Variants in THSD7B observed in about 807,000 individuals in gnomAD.
The protein encoded by THSD7B is thrombospondin type-1 domain-containing protein 7B.
In THSD7B, 138 loss-of-function variants were observed where a neutral mutation model predicts 213.6. The observed-to-expected ratio is 0.65, with a 90% CI of 0.56 to 0.74. The LOEUF is 0.74. Ranked by LOEUF, THSD7B falls within the 30% of genes least tolerant of loss-of-function variation. THSD7B has a pLI of 0.00. For missense variants in THSD7B, 1,931 were observed against 1,991.5 expected (o/e 0.97, Z 0.58); for synonymous variants, 742 against 687.0 (o/e 1.08, Z -1.25).
chr2:137,316,539 G>T (rs1235151703), intron 12 of THSD7B, among the ~76,000 whole-genome samples: 1 of 152,158 alleles, frequency 6.6e-6, no homozygotes, highest in Non-Finnish European at 1.5e-5. Flanking sequence ...ACTTTGGGAG[G>T]TCGAGGTGGG....
At chr2:137,084,524 G>C (rs548270433) in intron 3 of THSD7B, among the ~76,000 whole-genome samples, 1 of 152,132 alleles carries the variant, frequency 6.6e-6, no homozygotes, top group South Asian at 2.1e-4. Flanking sequence ...ATATTTCACT[G>C]TCTTCTTTGC....
rs549696105 is a variant in THSD7B, at chr2:137,168,911, C to T, written c.1526-1830C>T. Among the ~76,000 whole-genome samples, 13 of 152,228 alleles carry T rather than the reference C, an allele frequency of 8.5e-5. No individual in the cohort carries two copies. In the East Asian group the frequency reaches 2.3e-3, roughly 27 times the overall value. On this transcript the variant is annotated intron_variant, in intron 6 of 27. Transcript: ENST00000409968. ...GAAGTTTACAGCCGTGTATGCATCT[C>T]CTTTCAAGGTGGCTTAGGAAGCAAT...
intron 3 of THSD7B, among the ~76,000 whole-genome samples, chr2:137,071,067 G>C (rs996076640): frequency 6.6e-6 from 1 of 152,052 alleles, no homozygotes; most frequent in African/African-American, 2.4e-5. Context: ...TAATCCTTTG[G>C]GTATATACCC....
intron 12 of THSD7B, among the ~76,000 whole-genome samples, chr2:137,335,655 A>G (rs997194739): frequency 1.3e-5 from 2 of 152,176 alleles, no homozygotes; most frequent in African/African-American, 4.8e-5. Context: ...CAGCTTAAGG[A>G]CAGAGGGGGT....
At chr2:137,046,195 A>C (rs1209266813) in intron 2 of THSD7B, among the ~76,000 whole-genome samples, 1 of 152,200 alleles carries the variant, frequency 6.6e-6, no homozygotes. Flanking sequence ...AGTACAGGGA[A>C]TAGAGTAGTG....
intron 14 of THSD7B, among the ~76,000 whole-genome samples, chr2:137,412,733 A>G (rs1481147576): frequency 1.3e-5 from 2 of 151,930 alleles, no homozygotes; most frequent in African/African-American, 4.8e-5. Flanking sequence ...TAATCTGGGA[A>G]AATACTGTTT....
intron 12 of THSD7B, among the ~76,000 whole-genome samples, chr2:137,364,020 G>A (rs1293883051): frequency 1.3e-5 from 2 of 152,180 alleles, no homozygotes; most frequent in Non-Finnish European, 2.9e-5. Flanking sequence ...GAATCCAGCA[G>A]CGCATCAAAA....
chr2:137,024,214 C>T (rs571477157), intron 2 of THSD7B, among the ~76,000 whole-genome samples: 18 of 152,276 alleles, frequency 1.2e-4, no homozygotes, highest in African/African-American at 4.3e-4. Context: ...TCACCTCACT[C>T]TCTCCTCAGG....
At chr2:136,817,704 AAAAC>A (rs1270022259) in intron 1 of THSD7B, among the ~76,000 whole-genome samples, 7 of 152,102 alleles carry the variant, frequency 4.6e-5, no homozygotes, top group South Asian at 2.1e-4. Context: ...TTACAAGAAA[AAAAC>A]AAACAACCCC....
intron 6 of THSD7B, among the ~76,000 whole-genome samples, chr2:137,169,496 C>G (rs1037492194): frequency 2.6e-4 from 40 of 151,980 alleles, no homozygotes; most frequent in Non-Finnish European, 1.2e-4. Context: ...CTCCCCTCCC[C>G]TTGTGGGAAG....
intron 2 of THSD7B, among the ~76,000 whole-genome samples, chr2:136,988,146 T>C (rs1685701069): frequency 6.6e-6 from 1 of 152,216 alleles, no homozygotes; most frequent in African/African-American, 2.4e-5. Context: ...CCTTTTACAG[T>C]TACTTCTTCT....
intron 5 of THSD7B, among the ~76,000 whole-genome samples, chr2:137,146,500 T>G (rs1295871830): frequency 6.6e-6 from 1 of 152,154 alleles, no homozygotes; most frequent in African/African-American, 2.4e-5. Context: ...GTTGTCTCAC[T>G]GAAAACTGGA....
At chr2:137,476,537 G>A (rs947438356) in intron 15 of THSD7B, among the ~76,000 whole-genome samples, 1 of 152,006 alleles carries the variant, frequency 6.6e-6, no homozygotes. Context: ...TTCTGCATAT[G>A]GATGTCCAGT....
intron 1 of THSD7B, among the ~76,000 whole-genome samples, chr2:136,783,147 C>A (rs188198988): frequency 1.4e-4 from 21 of 152,324 alleles, no homozygotes; most frequent in African/African-American, 5.1e-4. Flanking sequence ...CATCATCCAG[C>A]ACACTGCCTG....
In THSD7B at chr2:136,904,966, A is replaced by G. The variant is rs577274937; in HGVS notation, c.139+22649A>G. On this transcript the variant is annotated intron_variant, in intron 2 of 27. Transcript: ENST00000409968. Reference sequence around the variant, plus strand: ...GAGCGGTACAGCCTCTTCTTTTTCAACTGGAATCTGTGGGAGGGGAAGTGA... The same window carrying G: ...GAGCGGTACAGCCTCTTCTTTTTCAGCTGGAATCTGTGGGAGGGGAAGTGA... Among the ~76,000 whole-genome samples the G allele has an allele frequency of 4.6e-5, 7 of 152,270 alleles. No homozygotes were observed. In the East Asian group the frequency reaches 1.4e-3, roughly 29 times the overall value.
intron 7 of THSD7B, among the ~76,000 whole-genome samples, chr2:137,187,578 G>C (rs1355348567): frequency 6.6e-6 from 1 of 152,150 alleles, no homozygotes; most frequent in Non-Finnish European, 1.5e-5. Context: ...TCTCTGTGTT[G>C]TAAGAGGCTA....
In THSD7B at chr2:136,913,243, G is replaced by C. The variant is rs1684297644; in HGVS notation, c.139+30926G>C. Among the ~76,000 whole-genome samples the C allele has an allele frequency of 4.6e-5, 7 of 152,184 alleles. No homozygotes were observed. In the South Asian group the frequency reaches 1.2e-3, roughly 27 times the overall value. On this transcript the variant is annotated intron_variant, in intron 2 of 27. Coordinates refer to ENST00000409968, the MANE Select transcript of THSD7B (RefSeq NM_001316349.2). ...CTTTGAACTTGACAGAGATGATTTA[G>C]GGCATCCGGTGGAAGAAATTTGTAA...
intron 3 of THSD7B, among the ~76,000 whole-genome samples, chr2:137,061,281 G>A (rs1279807890): frequency 6.8e-6 from 1 of 147,162 alleles, no homozygotes; most frequent in East Asian, 2.0e-4. Context: ...ACATAAATAA[G>A]CATGTCAGCA....
chr2:137,195,934 A>G (rs552270322), intron 7 of THSD7B, among the ~76,000 whole-genome samples: 1 of 152,338 alleles, frequency 6.6e-6, no homozygotes, highest in African/African-American at 2.4e-5. Flanking sequence ...AAAATAGCAG[A>G]CATTACTTTA....
Sources: gnomAD v4.1 joint callset for allele counts (sites outside exome capture counted in the v4.1 genomes callset) on GRCh38, gnomAD v4.1.1 for gene constraint, MANE v1.5 for transcripts, NCBI Gene and HGNC (gene_info 2026-07-23, HGNC 2026-07-21) for gene names.